The following FAM13C variants were observed in gnomAD, a reference collection of about 807,000 sequenced individuals.
FAM13C encodes the protein family with sequence similarity 13 member C.
In FAM13C, 37 loss-of-function variants were observed where a neutral mutation model predicts 73.2. That is an observed-to-expected ratio of 0.51 (90% CI 0.39 to 0.67). The LOEUF (loss-of-function observed/expected upper bound fraction) is 0.67. FAM13C is among the 30% of genes least tolerant of loss of function. The pLI is 0.00. For missense variants in FAM13C, 589 were observed against 715.6 expected (o/e 0.82, Z 2.02); for synonymous variants, 246 against 260.9 (o/e 0.94, Z 0.55).
At chr10:59,338,993 C>T (rs1347259739) in intron 3 of FAM13C, among the ~76,000 whole-genome samples, 1 of 152,184 alleles carries the variant, frequency 6.6e-6, no homozygotes, top group African/African-American at 2.4e-5. Flanking sequence ...CAGGGCCATG[C>T]TCTCTCCAAA....
Position 59,252,931 on chromosome 10 carries a change from G to A in FAM13C, c.1400C>T (p.Ala467Val), listed in dbSNP as rs755489345. ...GSQQPSLADP[A>V]SHLPVGDHLT... ...GTGGTCACCAACAGGAAGGTGAGAT[G>A]CTGGATCTGCCAAAGAAGGTTGTTG... Residue 467 changes from alanine (A) to valine (V), a missense_variant, in exon 12 of 14, where the codon GCA (alanine) becomes GTA (valine). Coordinates refer to ENST00000618804, the MANE Select transcript of FAM13C (RefSeq NM_198215.4). The A allele has an allele frequency of 1.2e-6, 2 of 1,614,122 alleles. No homozygotes were observed. The highest frequency in any genetic ancestry group is 1.7e-6 in the Non-Finnish European group (2 of 1,180,010).
Position 59,246,612 on chromosome 10 carries a change from TTGA to T in FAM13C, c.*999_*1001del, listed in dbSNP as rs1348514041. 2 of 397,656 alleles carry T rather than the reference TTGA, an allele frequency of 5.0e-6. No homozygotes were observed. Among genetic ancestry groups the T allele is most frequent in the African/African-American group, 4.1e-5 (2 of 48,604 alleles). The allele number at this position is 397,656 out of a possible 1,614,324, so 24.6% of individuals were successfully genotyped here. On this transcript the variant is annotated 3_prime_UTR_variant, in exon 14 of 14. Transcript: ENST00000618804. ...TAACACAAAATGATATACACTGAAG[TTGA>T]TGAAGCAAATAAATATTCTGGCTTC...
intron 12 of FAM13C, 25 bp from the exon 13 acceptor site, chr10:59,251,701 T>C: frequency 6.5e-7 from 1 of 1,528,258 alleles, no homozygotes. Context: ...ATACTTGTCA[T>C]TACTGGGCAC....
At chr10:59,254,975 G>T (rs538204212) in intron 10 of FAM13C, among the ~76,000 whole-genome samples, 9 of 152,258 alleles carry the variant, frequency 5.9e-5, no homozygotes, top group African/African-American at 2.2e-4. Context: ...TCCAAGTTTA[G>T]CAATGTGATT....
At chr10:59,306,021 T>C (rs1442509178) in intron 4 of FAM13C, among the ~76,000 whole-genome samples, 1 of 152,246 alleles carries the variant, frequency 6.6e-6, no homozygotes, top group Non-Finnish European at 1.5e-5. Flanking sequence ...CATAGTTTCT[T>C]TGTAACCCTC....
intron 5 of FAM13C, among the ~76,000 whole-genome samples, chr10:59,290,950 G>A (rs1049032858): frequency 6.6e-6 from 1 of 152,136 alleles, no homozygotes; most frequent in African/African-American, 2.4e-5. Flanking sequence ...AAAATCACAG[G>A]GGAGTTTATA....
At chr10:59,351,613 C>T (rs542594439) in intron 3 of FAM13C, among the ~76,000 whole-genome samples, 28 of 152,308 alleles carry the variant, frequency 1.8e-4, no homozygotes, top group African/African-American at 5.5e-4. Context: ...AGAATCCCCA[C>T]GTCTGAGGCA....
rs765826253 is a variant in FAM13C at position 59,352,283 on chromosome 10, T to C, written c.311A>G (p.His104Arg). 3.7e-6 allele frequency: 6 copies of C among 1,613,948 alleles called. No homozygotes were observed. The highest frequency in any genetic ancestry group is 5.1e-6 in the Non-Finnish European group (6 of 1,180,000). ...SIFKAESGRS[H>R]GESQETEHVV... Reference sequence around the variant, plus strand: ...GAGAGCTGCTACCTGACTTTCTCCGTGGCTCCTCCCGCTCTCCGCTTTGAA... The same window carrying C: ...GAGAGCTGCTACCTGACTTTCTCCGCGGCTCCTCCCGCTCTCCGCTTTGAA... The change falls in exon 3 of 14, where the codon CAC (histidine) becomes CGC (arginine). Residue 104 changes from histidine (H) to arginine (R), a missense_variant. Transcript: ENST00000618804.
chr10:59,275,202 G>A (rs895156900), intron 6 of FAM13C, among the ~76,000 whole-genome samples: 1 of 152,110 alleles, frequency 6.6e-6, no homozygotes, highest in Non-Finnish European at 1.5e-5. Flanking sequence ...CGATGTGGGC[G>A]GTACCTTTAC....
chr10:59,324,156 C>A (rs757828973), intron 3 of FAM13C, 50 bp from the exon 4 acceptor site: 1 of 1,426,552 alleles, frequency 7.0e-7, no homozygotes, highest in Admixed American at 1.8e-5. Flanking sequence ...GCAATCAGTT[C>A]CATAGCATTA....
intron 3 of FAM13C, among the ~76,000 whole-genome samples, chr10:59,341,554 T>G (rs1409408369): frequency 6.6e-6 from 1 of 152,116 alleles, no homozygotes; most frequent in Non-Finnish European, 1.5e-5. Context: ...CTGGGCATGG[T>G]GGTGCATGCC....
At chr10:59,358,284 A>G (rs1855959164) in intron 1 of FAM13C, among the ~76,000 whole-genome samples, 1 of 152,154 alleles carries the variant, frequency 6.6e-6, no homozygotes, top group Non-Finnish European at 1.5e-5. Context: ...AGGCTGAGGC[A>G]CGAGAACCAC....
intron 6 of FAM13C, among the ~76,000 whole-genome samples, chr10:59,280,627 G>T (rs1419237901): frequency 1.3e-5 from 2 of 152,200 alleles, no homozygotes; most frequent in Admixed American, 6.5e-5. Context: ...TAGAGAGGAT[G>T]CCAGAGAATC....
At chr10:59,299,672 T>G (rs550319706) in intron 5 of FAM13C, among the ~76,000 whole-genome samples, 2 of 152,162 alleles carry the variant, frequency 1.3e-5, no homozygotes, top group Admixed American at 1.3e-4. Flanking sequence ...TCTGATCTAT[T>G]GAATGCTTAT....
At chr10:59,353,628 G>C (rs570136536) in intron 2 of FAM13C, among the ~76,000 whole-genome samples, 1 of 152,298 alleles carries the variant, frequency 6.6e-6, no homozygotes, top group African/African-American at 2.4e-5. Context: ...ACAAATAAAA[G>C]GCAGATTAAA....
chr10:59,261,285 G>A (rs1383730232), intron 10 of FAM13C, among the ~76,000 whole-genome samples: 1 of 152,010 alleles, frequency 6.6e-6, no homozygotes, highest in Non-Finnish European at 1.5e-5. Flanking sequence ...TTGTTTTAAG[G>A]CTAAAGGTAT....
At chr10:59,261,805 C>A (rs575359180) in intron 10 of FAM13C, among the ~76,000 whole-genome samples, 2 of 152,010 alleles carry the variant, frequency 1.3e-5, no homozygotes, top group Non-Finnish European at 2.9e-5. Flanking sequence ...GAGAGATTAA[C>A]CAGGTAAATA....
chr10:59,249,319 G>GCGTTAC (rs1554803883), intron 13 of FAM13C, among the ~76,000 whole-genome samples: 2 of 150,422 alleles, frequency 1.3e-5, no homozygotes, highest in Non-Finnish European at 3.0e-5. Context: ...CAGGAGAATG[G>GCGTTAC]CGTGAACCCA....
chr10:59,358,928 A>G (rs1241474822), intron 1 of FAM13C, among the ~76,000 whole-genome samples: 2 of 152,222 alleles, frequency 1.3e-5, no homozygotes, highest in African/African-American at 4.8e-5. Context: ...TACATGGCAC[A>G]TGTTTACAAC....
Sources: allele counts gnomAD v4.1 joint callset (sites outside exome capture counted in the v4.1 genomes callset), GRCh38; gene constraint gnomAD v4.1.1; transcripts MANE v1.5; gene names NCBI Gene and HGNC (gene_info 2026-07-23, HGNC 2026-07-21).